The following LEMD1 variants were observed in gnomAD, a reference collection of about 807,000 sequenced individuals.
LEMD1 encodes LEM domain-containing protein 1.
Under a neutral mutation model 17.4 loss-of-function variants are expected in LEMD1, and 18 were observed. That is an observed-to-expected ratio of 1.04 (90% CI 0.72 to 1.54). LEMD1 has a LOEUF of 1.54. LEMD1 is among the 40% of genes most tolerant of loss of function. The probability of loss-of-function intolerance (pLI) is 0.00; values close to 1 mark genes in which losing one functional copy is unlikely to be tolerated. For missense variants in LEMD1, 195 were observed against 210.4 expected (o/e 0.93, Z 0.45); for synonymous variants, 88 against 77.8 (o/e 1.13, Z -0.69).
At chr1:205,411,695 GAAA>G (rs1301752606) in intron 4 of LEMD1, among the ~76,000 whole-genome samples, 1 of 144,762 alleles carries the variant, frequency 6.9e-6, no homozygotes, top group Non-Finnish European at 1.5e-5. Context: ...AAGAAAGAAA[GAAA>G]AAGGAAGAAA....
chr1:205,382,437 T>C (rs76857337), intron 5 of LEMD1, among the ~76,000 whole-genome samples: 1 of 151,804 alleles, frequency 6.6e-6, no homozygotes, highest in Non-Finnish European at 1.5e-5. Flanking sequence ...AAAAAATAAA[T>C]TTTTTTGTAG....
upstream of LEMD1, among the ~76,000 whole-genome samples, chr1:205,424,791 C>T (rs1414309417): frequency 6.6e-6 from 1 of 152,132 alleles, no homozygotes; most frequent in Non-Finnish European, 1.5e-5. Context: ...TCTGGTGTGT[C>T]ACACTAAGGG....
intron 1 of LEMD1, among the ~76,000 whole-genome samples, chr1:205,427,484 T>TGAGAGA (rs3973968): frequency 0.039 from 5,797 of 147,288 alleles, 170 homozygotes; most frequent in Middle Eastern, 0.086. Flanking sequence ...AAAGAACATT[T>TGAGAGA]GAGAGAGAGA....
intron 4 of LEMD1, among the ~76,000 whole-genome samples, chr1:205,406,523 T>C (rs535442042): frequency 1.3e-5 from 2 of 152,218 alleles, no homozygotes; most frequent in Admixed American, 6.5e-5. Context: ...GTGTGGGATA[T>C]AATCTCCTGG....
intron 1 of LEMD1, among the ~76,000 whole-genome samples, chr1:205,432,394 A>T (rs1288754830): frequency 6.6e-6 from 1 of 152,228 alleles, no homozygotes; most frequent in African/African-American, 2.4e-5. Context: ...TCATCCTAAC[A>T]AAACCTGCTC....
chr1:205,405,304 A>C (rs1170671927), intron 4 of LEMD1, among the ~76,000 whole-genome samples: 1 of 149,724 alleles, frequency 6.7e-6, no homozygotes, highest in Non-Finnish European at 1.5e-5. Flanking sequence ...GTATTTTCCA[A>C]CTTGGTTCCA....
chr1:205,410,624 C>T (rs771551502), intron 4 of LEMD1, among the ~76,000 whole-genome samples: 146 of 152,284 alleles, frequency 9.6e-4, no homozygotes, highest in Non-Finnish European at 2.0e-3. Context: ...GAATTCAATG[C>T]AGAGGAGTCA....
chr1:205,443,175 A>C (rs1393817055), intron 1 of LEMD1, among the ~76,000 whole-genome samples: 1 of 152,114 alleles, frequency 6.6e-6, no homozygotes, highest in African/African-American at 2.4e-5. Context: ...CATGGGGAGA[A>C]ATTGACAGGC....
chr1:205,432,551 A>T (rs141867511), intron 1 of LEMD1, among the ~76,000 whole-genome samples: 5 of 152,354 alleles, frequency 3.3e-5, no homozygotes, highest in African/African-American at 7.2e-5. Context: ...CAGATGTCAG[A>T]CTTTGGAGAG....
chr1:205,396,323 T>C (rs1258369600), intron 4 of LEMD1, among the ~76,000 whole-genome samples: 1 of 152,220 alleles, frequency 6.6e-6, no homozygotes, highest in Non-Finnish European at 1.5e-5. Flanking sequence ...CTGGAGTTCT[T>C]AATATATTAC....
chr1:205,444,886 C>G (rs1666356703), intron 1 of LEMD1, among the ~76,000 whole-genome samples: 1 of 150,926 alleles, frequency 6.6e-6, no homozygotes, highest in African/African-American at 2.4e-5. Flanking sequence ...CACCTTAACT[C>G]CCCGCCACCC....
chr1:205,399,591 A>C (rs1664743360), intron 4 of LEMD1, among the ~76,000 whole-genome samples: 1 of 152,232 alleles, frequency 6.6e-6, no homozygotes, highest in Admixed American at 6.5e-5. Flanking sequence ...GGGGCAGGAA[A>C]AGTATAAGAT....
chr1:205,425,672 C>G (rs562858257), upstream of LEMD1, among the ~76,000 whole-genome samples: 1 of 152,192 alleles, frequency 6.6e-6, no homozygotes, highest in Admixed American at 6.5e-5. Context: ...GTAAACAGAG[C>G]CTTTACTCAA....
chr1:205,413,570 C>T (rs1421173234), intron 4 of LEMD1, among the ~76,000 whole-genome samples: 2 of 135,602 alleles, frequency 1.5e-5, no homozygotes, highest in South Asian at 2.6e-4. Context: ...ATGACATGTG[C>T]GTGTCACCAT....
rs754906578 is a variant in LEMD1 at position 205,419,281 on chromosome 1, T to C, written c.154A>G (p.Met52Val). Residue 52 changes from methionine to valine, a missense_variant, in exon 3 of 6, where the codon ATG becomes GTG. Physicochemically the swap from Met to Val is conservative, Grantham distance 21. Transcript: ENST00000367153. The stretch of plus-strand genomic sequence containing the variant: ...CCATCCAGCTCTCTGGGTCCATTCA[T>C]CACAGGTGGTGCACAGGGAGGTGAG... ...LVSPPCAPPV[M>V]NGPRELDGAQ... 3.5e-5 allele frequency: 57 copies of C among 1,614,100 alleles called. No individual in the cohort carries two copies. Among genetic ancestry groups the C allele is most frequent in the Non-Finnish European group, 4.7e-5 (55 of 1,180,030 alleles).
chr1:205,415,972 C>T (rs568521042), intron 4 of LEMD1, among the ~76,000 whole-genome samples: 3 of 152,098 alleles, frequency 2.0e-5, no homozygotes, highest in East Asian at 1.9e-4. Context: ...GGGGAGGGGG[C>T]GTGACAGCTG....
chr1:205,402,694 C>T (rs1165909162), intron 4 of LEMD1, among the ~76,000 whole-genome samples: 1 of 151,320 alleles, frequency 6.6e-6, no homozygotes. Flanking sequence ...CCCTTTATTT[C>T]CTTCTCCTGC....
intron 4 of LEMD1, chr1:205,386,418 C>T (rs1664025044): frequency 6.6e-6 from 1 of 152,066 alleles, no homozygotes; most frequent in Non-Finnish European, 1.5e-5. Flanking sequence ...ATTCTCCTGC[C>T]TCAGCCTCTC....
At chr1:205,432,867 T>A (rs1229206822) in intron 1 of LEMD1, among the ~76,000 whole-genome samples, 5 of 151,992 alleles carry the variant, frequency 3.3e-5, no homozygotes. Context: ...AATAACTAGC[T>A]GGGCATGGTG....
Sources: gnomAD v4.1 joint callset for allele counts (sites outside exome capture counted in the v4.1 genomes callset) on GRCh38, gnomAD v4.1.1 for gene constraint, MANE v1.5 for transcripts, NCBI Gene and HGNC (gene_info 2026-07-23, HGNC 2026-07-21) for gene names.